Variants in BMP7 observed in about 807,000 individuals in gnomAD.
BMP7 encodes osteogenic protein 1.
BMP7 carries 12 observed loss-of-function variants against 41.2 expected under a neutral mutation model. The observed-to-expected ratio is 0.29, with a 90% CI of 0.19 to 0.47. The LOEUF (loss-of-function observed/expected upper bound fraction) is 0.47, where lower values mean the gene tolerates loss of function less well. Ranked by LOEUF, BMP7 falls within the 20% of genes least tolerant of loss-of-function variation. The pLI, the probability that BMP7 is intolerant of heterozygous loss-of-function variation, is 0.99. For missense variants in BMP7, 467 were observed against 606.0 expected, an observed-to-expected ratio of 0.77 and a Z score of 2.41; for synonymous variants, 248 against 250.0, an observed-to-expected ratio of 0.99 and a Z score of 0.07.
chr20:57,256,591 G>T (rs1305927891), intron 1 of BMP7, among the ~76,000 whole-genome samples: 3 of 152,222 alleles, frequency 2.0e-5, no homozygotes, highest in Non-Finnish European at 4.4e-5. Context: ...GTTGTGGCTG[G>T]GCAAGGTGGC....
intron 2 of BMP7, among the ~76,000 whole-genome samples, chr20:57,225,180 C>A (rs773727884): frequency 6.6e-6 from 1 of 152,158 alleles, no homozygotes; most frequent in Non-Finnish European, 1.5e-5. Context: ...TGGGGACATG[C>A]AACCAGGTTG....
At chr20:57,253,191 G>T (rs902959324) in intron 1 of BMP7, among the ~76,000 whole-genome samples, 4 of 152,134 alleles carry the variant, frequency 2.6e-5, no homozygotes, top group Admixed American at 2.0e-4. Flanking sequence ...CCTCCTAAAG[G>T]AAATGACCAA....
At chr20:57,190,222 G>A (rs527594121) in intron 3 of BMP7, among the ~76,000 whole-genome samples, 1 of 151,814 alleles carries the variant, frequency 6.6e-6, no homozygotes, top group East Asian at 1.9e-4. Context: ...AACCAGAGGG[G>A]GTGAGGCTGG....
Position 57,240,618 on chromosome 20 carries a change from C to G in BMP7, c.419-12197G>C, listed in dbSNP as rs532167520. ...TTCATGCTGCTGAAAAAGACATACC[C>G]GAGACTGGGAAGAAAAAGGTTTAAT... On this transcript the variant is annotated intron_variant, in intron 1 of 6. Coordinates refer to ENST00000395863, the MANE Select transcript of BMP7 (RefSeq NM_001719.3). 1.7e-3 allele frequency among the ~76,000 whole-genome samples: 235 copies of G among 139,370 alleles called. 1 individual carries two copies. Among genetic ancestry groups the G allele is most frequent in the African/African-American group, 7.0e-3 (218 of 30,988 alleles). 91.4% of individuals were successfully genotyped at this position (139,370 alleles called of 152,430 possible).
chr20:57,193,378 G>T (rs111657425), intron 3 of BMP7, among the ~76,000 whole-genome samples: 3 of 152,192 alleles, frequency 2.0e-5, no homozygotes, highest in African/African-American at 7.2e-5. Context: ...GGCCAGGGAA[G>T]CTGTCAACAT....
intron 4 of BMP7, among the ~76,000 whole-genome samples, chr20:57,176,512 T>C (rs771265285): frequency 5.9e-5 from 9 of 152,106 alleles, no homozygotes; most frequent in Non-Finnish European, 1.3e-4. Flanking sequence ...GTGTAGACCC[T>C]GGAGCACAGT....
Position 57,215,369 on chromosome 20 carries a change from CAGAAAGCAACAGCTGGGA to C in BMP7, c.612-12764_612-12747del, listed in dbSNP as rs1177995213. The C allele has an allele frequency of 6.6e-6, 1 of 152,318 alleles. No homozygotes were observed. The highest frequency in any genetic ancestry group is 2.4e-5 in the African/African-American group (1 of 41,476). The allele number at this position is 152,318 out of a possible 1,614,324, so 9.4% of individuals were successfully genotyped here. ...CAAAAATCAAGAGGACTCAGGTGGG[CAGAAAGCAACAGCTGGGA>C]AGAAAGCACATCTCACATTTCCTTT... is the stretch of plus-strand genomic sequence containing the variant. On this transcript the variant is annotated intron_variant, in intron 2 of 6. Coordinates refer to ENST00000395863, the MANE Select transcript of BMP7 (RefSeq NM_001719.3). This position sits in a 1 kb window ranked among gnomAD's most constrained non-coding sequence, Gnocchi z 4.2.
chr20:57,231,100 C>A (rs2066027826), intron 1 of BMP7, among the ~76,000 whole-genome samples: 2 of 152,250 alleles, frequency 1.3e-5, no homozygotes, highest in South Asian at 4.1e-4. Context: ...CTTTCCCACC[C>A]TGGACTTCTC....
At chr20:57,173,446 C>A in intron 5 of BMP7, 136 bp from the exon 6 acceptor site, 1 of 832,944 alleles carries the variant, frequency 1.2e-6, no homozygotes, top group South Asian at 1.4e-5. Context: ...TTCTGAGCAG[C>A]AGGGGGCCCA....
rs114357257 is a variant in BMP7, at chr20:57,174,297, A to T, written c.1035+634T>A. ...GTGTTCATCGCTGCATCTCCAATCC[A>T]GTACCTAGAACAGGGCCCAGAACGC... On this transcript the variant is annotated intron_variant, in intron 5 of 6. Transcript: ENST00000395863. The surrounding 1 kb of genome is among the most constrained non-coding windows in gnomAD (Gnocchi z 4.3). 2.0e-5 allele frequency among the ~76,000 whole-genome samples: 3 copies of T among 152,186 alleles called. No homozygotes were observed. The highest frequency in any genetic ancestry group is 2.9e-5 in the Non-Finnish European group (2 of 68,036).
chr20:57,254,210 A>G (rs965061216), intron 1 of BMP7, among the ~76,000 whole-genome samples: 3 of 150,922 alleles, frequency 2.0e-5, no homozygotes, highest in Non-Finnish European at 4.4e-5. Flanking sequence ...TTTAGTAGAA[A>G]CGGGGTTTCA....
intron 4 of BMP7, among the ~76,000 whole-genome samples, chr20:57,175,719 T>A (rs145811665): frequency 7.9e-4 from 121 of 152,298 alleles, no homozygotes; most frequent in African/African-American, 2.7e-3. Context: ...CAACCTTCCT[T>A]CCACCCCACA....
intron 1 of BMP7, among the ~76,000 whole-genome samples, chr20:57,244,759 A>G (rs1428517175): frequency 6.6e-6 from 1 of 152,218 alleles, no homozygotes; most frequent in African/African-American, 2.4e-5. Flanking sequence ...CCCCAAGAGC[A>G]GCCAGGTGGG....
chr20:57,205,182 C>T (rs879916745), intron 2 of BMP7, among the ~76,000 whole-genome samples: 2 of 152,078 alleles, frequency 1.3e-5, no homozygotes, highest in Non-Finnish European at 2.9e-5. Flanking sequence ...TTGTAAAGGA[C>T]TCATTCCTCT....
intron 1 of BMP7, among the ~76,000 whole-genome samples, chr20:57,238,721 T>C (rs2066057213): frequency 6.6e-6 from 1 of 151,460 alleles, no homozygotes; most frequent in Admixed American, 6.6e-5. Flanking sequence ...AGAGGTTAAA[T>C]TGGACTTGCA....
intron 1 of BMP7, among the ~76,000 whole-genome samples, chr20:57,264,608 G>C (rs1268576529): frequency 2.0e-5 from 3 of 152,150 alleles, no homozygotes; most frequent in Non-Finnish European, 4.4e-5. Context: ...ACCCCCAGCC[G>C]CCCCCGCGGC....
intron 3 of BMP7, among the ~76,000 whole-genome samples, chr20:57,196,908 AT>A (rs1048051220): frequency 5.7e-4 from 85 of 148,164 alleles, no homozygotes; most frequent in East Asian, 2.4e-3. Flanking sequence ...TTTTAATTTA[AT>A]TTTTTTTTTT....
At chr20:57,198,225 C>CCTCCTCTCTA (rs1461509789) in intron 3 of BMP7, among the ~76,000 whole-genome samples, 1 of 147,436 alleles carries the variant, frequency 6.8e-6, no homozygotes, top group East Asian at 2.0e-4. Context: ...CTCCTCTCCC[C>CCTCCTCTCTA]TCCTCTCCTC....
intron 3 of BMP7, among the ~76,000 whole-genome samples, chr20:57,191,747 T>C (rs955251118): frequency 1.6e-5 from 2 of 122,180 alleles, no homozygotes; most frequent in African/African-American, 6.5e-5. Context: ...ATATATATAA[T>C]ATATACTATA....
Sources: allele counts gnomAD v4.1 joint callset (sites outside exome capture counted in the v4.1 genomes callset), GRCh38; gene constraint gnomAD v4.1.1; non-coding constraint Gnocchi (gnomAD v3.1); transcripts MANE v1.5; gene names NCBI Gene and HGNC (gene_info 2026-07-23, HGNC 2026-07-21).